DEAF1: variants seen among roughly 807,000 people sequenced by gnomAD.
The protein encoded by DEAF1 is DEAF1 transcription factor.
DEAF1 carries 53 observed loss-of-function variants against 58.9 expected under a neutral mutation model. That is an observed-to-expected ratio of 0.90 (90% CI 0.72 to 1.13). DEAF1 has a LOEUF of 1.13. DEAF1 is among the 50% of genes most tolerant of loss of function. DEAF1 has a pLI of 0.00. For synonymous variants in DEAF1, 385 were observed against 340.4 expected, an observed-to-expected ratio of 1.13 and a Z score of -1.44; for missense variants, 685 against 791.4, an observed-to-expected ratio of 0.87 and a Z score of 1.61.
At chr11:701,541 A>G (rs1461211419) in intron 1 of DEAF1, among the ~76,000 whole-genome samples, 48 of 149,940 alleles carry the variant, frequency 3.2e-4, no homozygotes, top group Middle Eastern at 3.4e-3. Context: ...CTCCCGAGTA[A>G]CTGGGACTAC....
At chr11:648,463 G>A (rs1180012629) in intron 11 of DEAF1, among the ~76,000 whole-genome samples, 1 of 152,164 alleles carries the variant, frequency 6.6e-6, no homozygotes, top group Non-Finnish European at 1.5e-5. Flanking sequence ...CCAAAGTGCT[G>A]GGATTACAGG....
intron 7 of DEAF1, among the ~76,000 whole-genome samples, chr11:680,652 G>A (rs1257216180): frequency 6.6e-6 from 1 of 152,134 alleles, no homozygotes; most frequent in African/African-American, 2.4e-5. Flanking sequence ...CCCTCACCAA[G>A]GACGCCCTTG....
At chr11:702,172 A>C (rs942370416) in intron 1 of DEAF1, among the ~76,000 whole-genome samples, 7 of 152,102 alleles carry the variant, frequency 4.6e-5, no homozygotes, top group African/African-American at 1.7e-4. Flanking sequence ...CCTCAGACAC[A>C]CTAGGAGGAT....
chr11:645,614 C>T (rs1366585801), intron 11 of DEAF1, among the ~76,000 whole-genome samples: 1 of 152,172 alleles, frequency 6.6e-6, no homozygotes, highest in Non-Finnish European at 1.5e-5. Context: ...CACTGCGCCC[C>T]GCCCCAGTTC....
At position 688,542 on chromosome 11, in the gene DEAF1, G is replaced by A; in HGVS notation, c.388-82C>T. The A allele has an allele frequency of 6.3e-7, 1 of 1,575,786 alleles. No individual in the cohort carries two copies. Among genetic ancestry groups the A allele is most frequent in the Non-Finnish European group, 8.7e-7 (1 of 1,152,584 alleles). On this transcript the variant is annotated intron_variant, in intron 2 of 11. Coordinates refer to ENST00000382409, the MANE Select transcript of DEAF1 (RefSeq NM_021008.4). This position sits in a 1 kb window ranked among gnomAD's most constrained non-coding sequence, Gnocchi z 4.3. The stretch of plus-strand genomic sequence containing the variant: ...CTGAGCCCAGCTGGGCCGTCCTCCA[G>A]CAGGGCTCTCTGGCTGTTCTCACCA...
chr11:690,872 G>A (rs1860804553), intron 2 of DEAF1, among the ~76,000 whole-genome samples: 1 of 152,230 alleles, frequency 6.6e-6, no homozygotes, highest in Admixed American at 6.5e-5. Flanking sequence ...TCCCTTTCTG[G>A]AGACTGGACC....
Position 682,739 on chromosome 11 carries a change from G to A in DEAF1, c.871-1650C>T, listed in dbSNP as rs546250834. 1.1e-3 allele frequency among the ~76,000 whole-genome samples: 174 copies of A among 152,288 alleles called. 1 individual carries two copies. The highest frequency in any genetic ancestry group is 4.0e-3 in the African/African-American group (166 of 41,554). On this transcript the variant is annotated intron_variant, in intron 6 of 11. Transcript: ENST00000382409. ...GGCAATGTGGGTTGATGGAAATTGG[G>A]GCTCCGTATGCTTGGCCTCCCATGC...
intron 1 of DEAF1, chr11:700,762 C>T (rs778138382): frequency 6.5e-5 from 95 of 1,458,924 alleles, no homozygotes; most frequent in Non-Finnish European, 8.7e-5. Context: ...CTATCTGTTT[C>T]CACAGCCTTT....
intron 10 of DEAF1, among the ~76,000 whole-genome samples, chr11:661,156 G>A (rs1253101678): frequency 1.3e-5 from 2 of 152,236 alleles, no homozygotes; most frequent in Non-Finnish European, 2.9e-5. Flanking sequence ...GGACAGGCTA[G>A]AGGAATGGGG....
rs1861032587 is a variant in DEAF1 at position 694,769 on chromosome 11, T to TGCGGCAGCG, written c.270_278dup (p.Ala92_Ala94dup). 2.3e-6 allele frequency: 3 copies of TGCGGCAGCG among 1,309,626 alleles called. No individual in the cohort carries two copies. The highest frequency in any genetic ancestry group is 2.9e-6 in the Non-Finnish European group (3 of 1,034,686). The allele number at this position is 1,309,626 out of a possible 1,614,324, so 81.1% of individuals were successfully genotyped here. Reference sequence around the variant, plus strand: ...GGCGGGCGCACTTGCCTGCGAAGGCTGCGGCAGCGGCGGCCTCGTCGGGGC... The same window carrying TGCGGCAGCG: ...GGCGGGCGCACTTGCCTGCGAAGGCTGCGGCAGCGGCGGCAGCGGCGGCCTCGTCGGGGC... On this transcript the variant is annotated inframe_insertion, in exon 1 of 12. Transcript: ENST00000382409.
upstream of DEAF1, chr11:695,876 G>C: frequency 8.2e-7 from 1 of 1,223,350 alleles, no homozygotes; most frequent in Non-Finnish European, 1.0e-6. Context: ...GGGCTTCCGG[G>C]CTTGCAGCGG....
At chr11:691,162 T>TA (rs1242800553) in intron 2 of DEAF1, among the ~76,000 whole-genome samples, 1 of 152,196 alleles carries the variant, frequency 6.6e-6, no homozygotes, top group African/African-American at 2.4e-5. Flanking sequence ...CCTGCAGCTA[T>TA]AGGATAAGGA....
intron 11 of DEAF1, among the ~76,000 whole-genome samples, chr11:651,999 G>T (rs1858794677): frequency 6.6e-6 from 1 of 152,116 alleles, no homozygotes; most frequent in South Asian, 2.1e-4. Flanking sequence ...TGAAAGAGTT[G>T]AACAATACTA....
intron 11 of DEAF1, among the ~76,000 whole-genome samples, chr11:649,579 G>A (rs60031802): frequency 6.6e-6 from 1 of 151,468 alleles, no homozygotes; most frequent in Non-Finnish European, 1.5e-5. Flanking sequence ...AATTAGCCGG[G>A]TCTGATGGCA....
chr11:704,567 G>A (rs1256411648), intron 1 of DEAF1: 12 of 1,288,908 alleles, frequency 9.3e-6, no homozygotes, highest in African/African-American at 1.5e-5. Context: ...CCTGCCATCT[G>A]GAGGACCCAG....
chr11:701,567 C>A (rs185864055), intron 1 of DEAF1, among the ~76,000 whole-genome samples: 6 of 152,072 alleles, frequency 3.9e-5, no homozygotes, highest in Admixed American at 2.6e-4. Context: ...CCCGCCACCA[C>A]GCCCGGCTCA....
chr11:655,958 C>A (rs1295673349), intron 10 of DEAF1, among the ~76,000 whole-genome samples: 7 of 151,682 alleles, frequency 4.6e-5, no homozygotes, highest in African/African-American at 1.5e-4. Context: ...TCAGCCTCCC[C>A]ACAGCTGGGA....
chr11:689,115 C>T (rs1335457300), intron 2 of DEAF1, among the ~76,000 whole-genome samples: 1 of 152,160 alleles, frequency 6.6e-6, no homozygotes, highest in Non-Finnish European at 1.5e-5. Context: ...CTCTGAACCC[C>T]GTGTTTTGGG....
At position 644,777 on chromosome 11, in the gene DEAF1, G is replaced by A; in HGVS notation, c.1594-123C>T. On this transcript the variant is annotated intron_variant, in intron 11 of 11. Coordinates refer to ENST00000382409, the MANE Select transcript of DEAF1 (RefSeq NM_021008.4). The surrounding 1 kb of genome is among the most constrained non-coding windows in gnomAD (Gnocchi z 4.3). The stretch of plus-strand genomic sequence containing the variant: ...AACCTCACCTGGAGGTGCTGAGAAT[G>A]CCCTCCCCAGCCCCCGTGCGCCCAA... 1 of 750,584 alleles carries A rather than the reference G, an allele frequency of 1.3e-6. No homozygotes were observed. The highest frequency in any genetic ancestry group is 2.3e-6 in the Non-Finnish European group (1 of 431,532). 46.5% of individuals were successfully genotyped at this position (750,584 alleles called of 1,614,324 possible).
Sources: gnomAD v4.1 joint callset for allele counts (sites outside exome capture counted in the v4.1 genomes callset) on GRCh38, gnomAD v4.1.1 for gene constraint, Gnocchi (gnomAD v3.1) non-coding constraint, MANE v1.5 for transcripts, NCBI Gene and HGNC (gene_info 2026-07-23, HGNC 2026-07-21) for gene names.